Variants in KIAA1755 observed in about 807,000 individuals in gnomAD.
KIAA1755 encodes uncharacterized protein KIAA1755.
Under a neutral mutation model 91.7 loss-of-function variants are expected in KIAA1755, and 68 were observed. The ratio of observed to expected loss-of-function variants is 0.74; its 90% confidence interval spans 0.61 to 0.91. KIAA1755 has a LOEUF of 0.91. Among genes scored for constraint, KIAA1755 ranks in the 40% least tolerant of loss-of-function variants. KIAA1755 has a pLI of 0.00. For missense variants in KIAA1755, 1,535 were observed against 1,494.4 expected (o/e 1.03, Z -0.45); for synonymous variants, 610 against 604.6 (o/e 1.01, Z -0.13).
intron 6 of KIAA1755, among the ~76,000 whole-genome samples, 178 bp downstream of exon 6, chr20:38,227,969 T>C (rs2075790591): frequency 6.6e-6 from 1 of 152,236 alleles, no homozygotes; most frequent in Non-Finnish European, 1.5e-5. Flanking sequence ...GGACTGTCCA[T>C]TGACATGAAC....
rs2123118680 is a variant in KIAA1755, at chr20:38,225,756, G to A, written c.2078C>T (p.Ala693Val). The part of the protein sequence containing the change: ...VQVEVLTSLK[A>V]LSHHVDPSQL... ...GCTGGGGTCCACATGGTGGCTGAGGGCCTTCAATGAGGTCAGCACCTCCAC... is the reference window on the plus strand; with the variant it reads ...GCTGGGGTCCACATGGTGGCTGAGGACCTTCAATGAGGTCAGCACCTCCAC... The change falls in exon 8 of 14, where the codon GCC becomes GTC. Residue 693 changes from alanine (A) to valine (V), a missense_variant. Transcript: ENST00000279024. The A allele has an allele frequency of 6.3e-7, 1 of 1,592,336 alleles. No homozygotes were observed. The highest frequency in any genetic ancestry group is 1.8e-5 in the Admixed American group (1 of 56,710).
At chr20:38,218,501 A>G in intron 11 of KIAA1755, 135 bp from the exon 12 acceptor site, 1 of 1,211,952 alleles carries the variant, frequency 8.3e-7, no homozygotes, top group Non-Finnish European at 1.1e-6. Context: ...ACTGGCTTGG[A>G]CTGAAATTCT....
chr20:38,232,500 C>T (rs1238280022), intron 4 of KIAA1755, among the ~76,000 whole-genome samples: 4 of 151,730 alleles, frequency 2.6e-5, no homozygotes, highest in Non-Finnish European at 5.9e-5. Flanking sequence ...TGGTGGCGGG[C>T]GCCTGTAGTC....
intron 4 of KIAA1755, chr20:38,233,317 A>G (rs933173857): frequency 2.2e-4 from 33 of 152,190 alleles, no homozygotes; most frequent in Admixed American, 1.4e-3. Context: ...TCATGATACT[A>G]TTCTGTCTAC....
chr20:38,235,899 C>A (rs553377089), intron 4 of KIAA1755, among the ~76,000 whole-genome samples: 6 of 152,178 alleles, frequency 3.9e-5, no homozygotes, highest in African/African-American at 1.4e-4. Context: ...GAAAACTTTA[C>A]GGGGAGACCT....
At position 38,213,447 on chromosome 20, in the gene KIAA1755, C is replaced by T. The variant is rs111401189; in HGVS notation, c.3198G>A (p.Ala1066=). The part of the protein sequence containing the change: ...SCPEAPAAHS[A]RPERRGVAAK... ...CTGCCACCCCTCTTCGTTCTGGGCG[C>T]GCTGAGTGAGCAGCTGGAGCCTCTG... The change falls in exon 14 of 14, where the codon GCG becomes GCA. Residue 1066 remains alanine (A), a synonymous_variant. Coordinates refer to ENST00000279024, the MANE Select transcript of KIAA1755 (RefSeq NM_001029864.2). 1,008 of 1,602,892 alleles carry T rather than the reference C, an allele frequency of 6.3e-4. 1 individual carries two copies. Among genetic ancestry groups the T allele is most frequent in the Non-Finnish European group, 7.7e-4 (901 of 1,174,706 alleles).
In KIAA1755 at chr20:38,211,973, T is replaced by G. The variant is rs1161894695; in HGVS notation, c.*1069A>C. 1 of 152,184 alleles carries G rather than the reference T, an allele frequency of 6.6e-6. No individual in the cohort carries two copies. Among genetic ancestry groups the G allele is most frequent in the African/African-American group, 2.4e-5 (1 of 41,438 alleles). The allele number at this position is 152,184 out of a possible 1,614,324, so 9.4% of individuals were successfully genotyped here. On this transcript the variant is annotated 3_prime_UTR_variant, in exon 14 of 14. Transcript: ENST00000279024. ...CAGGGGGTGTTCAAGGATTCCATGC[T>G]GTCTTTCAGAGATCTCCAGAAAGAT...
intron 1 of KIAA1755, among the ~76,000 whole-genome samples, chr20:38,247,239 G>T (rs1270991586): frequency 2.0e-5 from 3 of 152,052 alleles, no homozygotes; most frequent in Admixed American, 6.6e-5. Flanking sequence ...CCGTCTTCAG[G>T]AAGCATCAGC....
chr20:38,228,064 G>T, intron 6 of KIAA1755, 83 bp downstream of exon 6: 1 of 961,338 alleles, frequency 1.0e-6, no homozygotes. Context: ...CCAGCCTTAA[G>T]CACCCCCGGA....
chr20:38,252,725 G>A (rs2076272478), intron 1 of KIAA1755, among the ~76,000 whole-genome samples: 1 of 152,200 alleles, frequency 6.6e-6, no homozygotes, highest in Non-Finnish European at 1.5e-5. Flanking sequence ...TCACAAATTG[G>A]CTTGGTTTGC....
chr20:38,238,043 G>C (rs936915647), intron 4 of KIAA1755, among the ~76,000 whole-genome samples: 1 of 152,088 alleles, frequency 6.6e-6, no homozygotes, highest in Non-Finnish European at 1.5e-5. Flanking sequence ...CAGTGAGCCA[G>C]GTCCTATCTG....
intron 1 of KIAA1755, among the ~76,000 whole-genome samples, chr20:38,256,724 G>T (rs2076344996): frequency 6.6e-6 from 1 of 152,074 alleles, no homozygotes; most frequent in Non-Finnish European, 1.5e-5. Context: ...GATTGCTTGA[G>T]CCTGGGAGAT....
At chr20:38,224,239 C>T (rs2075714741) in intron 8 of KIAA1755, among the ~76,000 whole-genome samples, 1 of 152,160 alleles carries the variant, frequency 6.6e-6, no homozygotes, top group Non-Finnish European at 1.5e-5. Context: ...TATCATCATT[C>T]TCACTTCCAT....
In KIAA1755 at chr20:38,218,196, G is replaced by A. The variant is rs200949526; in HGVS notation, c.2679+48C>T. The A allele has an allele frequency of 1.0e-3, 1,625 of 1,611,150 alleles. 3 individuals are homozygous for A. The highest frequency in any genetic ancestry group is 1.2e-3 in the Non-Finnish European group (1,439 of 1,178,680). ...CCCTGGCAGTGCCACCCCCTCTAACGCCCTCTCCATCTGCTCCAGTCCTGC... is the reference window on the plus strand; with the variant it reads ...CCCTGGCAGTGCCACCCCCTCTAACACCCTCTCCATCTGCTCCAGTCCTGC... On this transcript the variant is annotated intron_variant, in intron 12 of 13. Coordinates refer to ENST00000279024, the MANE Select transcript of KIAA1755 (RefSeq NM_001029864.2).
At chr20:38,259,820 C>CCACA (rs57325877) in intron 1 of KIAA1755, among the ~76,000 whole-genome samples, 12,405 of 138,642 alleles carry the variant, frequency 0.089, 694 homozygotes, top group Admixed American at 0.17. Flanking sequence ...ACCACCACCA[C>CCACA]CACACACACA....
At position 38,260,270 on chromosome 20, in the gene KIAA1755, C is replaced by T. The variant is rs1262946925; in HGVS notation, c.3+228G>A. On this transcript the variant is annotated intron_variant, in intron 1 of 13. Transcript: ENST00000279024. ...TAAAGTTTACAAGTACAATCTTACT[C>T]CATCCATACACACACATGGAGAAGC... is the stretch of plus-strand genomic sequence containing the variant. The T allele has an allele frequency of 2.6e-6, 4 of 1,547,466 alleles. No homozygotes were observed. In the Admixed American group the frequency reaches 7.9e-5, roughly 31 times the overall value.
intron 1 of KIAA1755, among the ~76,000 whole-genome samples, chr20:38,249,578 AGAATGAATGAGT>A (rs1285200009): frequency 6.6e-6 from 1 of 152,206 alleles, no homozygotes; most frequent in Non-Finnish European, 1.5e-5. Context: ...CACTATTTGT[AGAATGAATGAGT>A]GAATGAATGA....
At position 38,225,785 on chromosome 20, in the gene KIAA1755, C is replaced by A; in HGVS notation, c.2053-4G>T. On this transcript the variant is annotated splice_polypyrimidine_tract_variant and splice_region_variant and intron_variant, in intron 7 of 13. Coordinates refer to ENST00000279024, the MANE Select transcript of KIAA1755 (RefSeq NM_001029864.2). ...TCAATGAGGTCAGCACCTCCACCTG[C>A]AGACCAAAGAATCAGGAGAACCAGG... 1 of 1,525,402 alleles carries A rather than the reference C, an allele frequency of 6.6e-7. No homozygotes were observed. Among genetic ancestry groups the A allele is most frequent in the Non-Finnish European group, 8.8e-7 (1 of 1,135,960 alleles). 94.5% of individuals were successfully genotyped at this position (1,525,402 alleles called of 1,614,324 possible). A position where few individuals can be genotyped will look rare whatever the true frequency, so the allele number is the denominator to read the frequency against.
At position 38,260,243 on chromosome 20, in the gene KIAA1755, A is replaced by G. The variant is rs1485043413; in HGVS notation, c.3+255T>C. 12 of 1,533,302 alleles carry G rather than the reference A, an allele frequency of 7.8e-6. No individual in the cohort carries two copies. The Admixed American group carries it at 2.5e-4, about 31-fold the overall frequency. 95.0% of individuals were successfully genotyped at this position (1,533,302 alleles called of 1,614,324 possible). Reference sequence around the variant, plus strand: ...GGCTCAGGTCTAGGGGTTGGGGAATATTAAAGTTTACAAGTACAATCTTAC... The same window carrying G: ...GGCTCAGGTCTAGGGGTTGGGGAATGTTAAAGTTTACAAGTACAATCTTAC... On this transcript the variant is annotated intron_variant, in intron 1 of 13. Coordinates refer to ENST00000279024, the MANE Select transcript of KIAA1755 (RefSeq NM_001029864.2).
Sources: allele counts gnomAD v4.1 joint callset (sites outside exome capture counted in the v4.1 genomes callset), GRCh38; gene constraint gnomAD v4.1.1; transcripts MANE v1.5; gene names NCBI Gene and HGNC (gene_info 2026-07-23, HGNC 2026-07-21).